Variants in PAPPA2 observed in about 807,000 individuals in gnomAD.
The protein encoded by PAPPA2 is pappalysin 2, also known as pappalysin-2.
In PAPPA2, 86 loss-of-function variants were observed where a neutral mutation model predicts 176.4. That is an observed-to-expected ratio of 0.49 (90% CI 0.41 to 0.58). PAPPA2 has a LOEUF of 0.58. PAPPA2 is among the 20% of genes least tolerant of loss of function. The pLI, the probability that PAPPA2 is intolerant of heterozygous loss-of-function variation, is 0.00. For missense variants in PAPPA2, 2,073 were observed against 2,256.9 expected (o/e 0.92, Z 1.65); for synonymous variants, 809 against 852.2 (o/e 0.95, Z 0.88).
intron 14 of PAPPA2, among the ~76,000 whole-genome samples, chr1:176,750,120 C>T (rs1269563390): frequency 6.6e-6 from 1 of 152,028 alleles, no homozygotes; most frequent in Non-Finnish European, 1.5e-5. Flanking sequence ...TTTTCCTCTT[C>T]TCCTTCTTTC....
chr1:176,768,720 A>T (rs1664086979), intron 15 of PAPPA2, among the ~76,000 whole-genome samples: 2 of 152,156 alleles, frequency 1.3e-5, no homozygotes, highest in African/African-American at 2.4e-5. Context: ...TGCTCGATAA[A>T]TATCTCTTGA....
chr1:176,566,489 C>T (rs948873462), intron 2 of PAPPA2, among the ~76,000 whole-genome samples: 1 of 152,124 alleles, frequency 6.6e-6, no homozygotes, highest in South Asian at 2.1e-4. Context: ...TTTGACTGAC[C>T]CAGGTGGCAC....
chr1:176,496,668 T>G (rs1168508480), intron 1 of PAPPA2, among the ~76,000 whole-genome samples: 1 of 152,180 alleles, frequency 6.6e-6, no homozygotes, highest in Non-Finnish European at 1.5e-5. Context: ...GAGATGTCCC[T>G]TGTTGTGGTG....
At chr1:176,632,233 G>A (rs1193312924) in intron 3 of PAPPA2, among the ~76,000 whole-genome samples, 1 of 146,714 alleles carries the variant, frequency 6.8e-6, no homozygotes, top group Non-Finnish European at 1.5e-5. Context: ...GTAGTGATGT[G>A]TGTGTGTGTG....
At chr1:176,681,050 T>A (rs1216767620) in intron 4 of PAPPA2, among the ~76,000 whole-genome samples, 1 of 150,922 alleles carries the variant, frequency 6.6e-6, no homozygotes, top group Admixed American at 6.6e-5. Flanking sequence ...TAGGGGTCTC[T>A]AAAATCAACT....
intron 3 of PAPPA2, among the ~76,000 whole-genome samples, chr1:176,657,751 C>T (rs1199987626): frequency 6.6e-6 from 1 of 151,852 alleles, no homozygotes; most frequent in Non-Finnish European, 1.5e-5. Context: ...ACTTATTATG[C>T]AGTTATCTGT....
intron 2 of PAPPA2, among the ~76,000 whole-genome samples, chr1:176,560,142 C>T (rs1217793563): frequency 6.6e-6 from 1 of 151,554 alleles, no homozygotes; most frequent in Non-Finnish European, 1.5e-5. Context: ...TCGTTGGCAT[C>T]CCTTGGGGTC....
At chr1:176,579,176 C>T (rs1270581451) in intron 2 of PAPPA2, among the ~76,000 whole-genome samples, 3 of 152,070 alleles carry the variant, frequency 2.0e-5, no homozygotes, top group Non-Finnish European at 4.4e-5. Flanking sequence ...ATTTGAGAGG[C>T]AGAAGCAGTT....
chr1:176,598,894 A>C (rs776000522), intron 3 of PAPPA2, among the ~76,000 whole-genome samples: 7 of 152,094 alleles, frequency 4.6e-5, no homozygotes, highest in African/African-American at 7.2e-5. Flanking sequence ...AATTACATGA[A>C]TATCTCTTAA....
At chr1:176,619,708 A>G (rs568995438) in intron 3 of PAPPA2, among the ~76,000 whole-genome samples, 3 of 152,184 alleles carry the variant, frequency 2.0e-5, no homozygotes, top group Non-Finnish European at 4.4e-5. Context: ...GACCTTTTCT[A>G]TGGGTCTTTC....
At chr1:176,761,557 A>G (rs1663701853) in intron 14 of PAPPA2, among the ~76,000 whole-genome samples, 3 of 152,182 alleles carry the variant, frequency 2.0e-5, no homozygotes, top group Admixed American at 2.0e-4. Context: ...AAACTATTGG[A>G]CTATTAGATA....
rs1652237669 is a variant in PAPPA2 at position 176,478,394 on chromosome 1, G to A, written c.-917+14976G>A. Among the ~76,000 whole-genome samples the A allele has an allele frequency of 2.0e-5, 3 of 152,246 alleles. No homozygotes were observed. In the South Asian group the frequency reaches 6.2e-4, roughly 31 times the overall value. On this transcript the variant is annotated intron_variant, in intron 1 of 22. Transcript: ENST00000367662. ...CCTGGCTCTGCTACTTGTTAGTTGT[G>A]TGCCCCTGGGCAAGTTACTTAACCT...
intron 1 of PAPPA2, among the ~76,000 whole-genome samples, chr1:176,528,461 A>C (rs781003229): frequency 6.6e-6 from 1 of 152,230 alleles, no homozygotes; most frequent in Non-Finnish European, 1.5e-5. Context: ...ACTTGCCCAA[A>C]GGCCCACAGC....
chr1:176,730,184 A>C (rs187286487), intron 12 of PAPPA2, among the ~76,000 whole-genome samples: 2 of 151,936 alleles, frequency 1.3e-5, no homozygotes, highest in Non-Finnish European at 2.9e-5. Flanking sequence ...AGCCACTTGT[A>C]TAAAATAAGG....
chr1:176,483,006 G>A (rs975351487), intron 1 of PAPPA2, among the ~76,000 whole-genome samples: 2 of 152,192 alleles, frequency 1.3e-5, no homozygotes, highest in African/African-American at 4.8e-5. Flanking sequence ...TGGTAAAGGT[G>A]ACGGATGCCC....
chr1:176,815,114 G>A (rs1666321693), intron 21 of PAPPA2, among the ~76,000 whole-genome samples: 1 of 152,010 alleles, frequency 6.6e-6, no homozygotes, highest in Non-Finnish European at 1.5e-5. Flanking sequence ...GCATACATAT[G>A]TGTGTATACA....
Position 176,747,697 on chromosome 1 carries a change from CT to C in PAPPA2, c.4151+7503del, listed in dbSNP as rs555304886. Among the ~76,000 whole-genome samples the C allele has an allele frequency of 1.9e-3, 286 of 152,254 alleles. 1 individual carries two copies. The highest frequency in any genetic ancestry group is 6.7e-3 in the African/African-American group (278 of 41,542). ...ATAAATATAGCATCTTACAACAATG[CT>C]TATTTATAATCTTACAGTTTCTGAG... On this transcript the variant is annotated intron_variant, in intron 14 of 22. Coordinates refer to ENST00000367662, the MANE Select transcript of PAPPA2 (RefSeq NM_020318.3).
At chr1:176,712,707 G>A (rs1661199461) in intron 12 of PAPPA2, among the ~76,000 whole-genome samples, 5 of 152,128 alleles carry the variant, frequency 3.3e-5, no homozygotes, top group Non-Finnish European at 7.4e-5. Flanking sequence ...GGTATATTTG[G>A]AACTGCCAGA....
chr1:176,757,416 G>A (rs567620905), intron 14 of PAPPA2, among the ~76,000 whole-genome samples: 2 of 152,244 alleles, frequency 1.3e-5, no homozygotes, highest in East Asian at 3.9e-4. Context: ...GCGTGAGATG[G>A]TATCTCATTG....
Sources: allele counts gnomAD v4.1 joint callset (sites outside exome capture counted in the v4.1 genomes callset), GRCh38; gene constraint gnomAD v4.1.1; transcripts MANE v1.5; gene names NCBI Gene and HGNC (gene_info 2026-07-23, HGNC 2026-07-21).